The following GALNTL6 variants were observed in gnomAD, a reference collection of about 807,000 sequenced individuals.
GALNTL6 encodes polypeptide N-acetylgalactosaminyltransferase like 6.
Under a neutral mutation model 73.7 loss-of-function variants are expected in GALNTL6, and 46 were observed. The observed-to-expected ratio is 0.62, with a 90% CI of 0.49 to 0.80. The LOEUF is 0.80. Among genes scored for constraint, GALNTL6 ranks in the 30% least tolerant of loss-of-function variants. GALNTL6 has a pLI of 0.00. For synonymous variants in GALNTL6, 259 were observed against 263.7 expected (o/e 0.98, Z 0.17); for missense variants, 604 against 755.0 (o/e 0.80, Z 2.34).
chr4:172,346,988 C>CTTTTTTTTT (rs34332250), intron 4 of GALNTL6, among the ~76,000 whole-genome samples: 1 of 114,410 alleles, frequency 8.7e-6, no homozygotes, highest in Non-Finnish European at 1.7e-5. Flanking sequence ...TGTTTTCTTT[C>CTTTTTTTTT]TTTTTTTTTT....
chr4:172,600,030 G>C (rs1737996585), intron 5 of GALNTL6, among the ~76,000 whole-genome samples: 1 of 152,046 alleles, frequency 6.6e-6, no homozygotes, highest in African/African-American at 2.4e-5. Flanking sequence ...AAGTTAACAG[G>C]TAAATTTCTA....
At chr4:172,325,159 C>T (rs1470732930) in intron 4 of GALNTL6, among the ~76,000 whole-genome samples, 1 of 151,602 alleles carries the variant, frequency 6.6e-6, no homozygotes, top group East Asian at 1.9e-4. Context: ...ACATAGACAT[C>T]ATTAAACTTT....
At chr4:172,698,109 C>G (rs953363479) in intron 5 of GALNTL6, among the ~76,000 whole-genome samples, 5 of 151,984 alleles carry the variant, frequency 3.3e-5, no homozygotes, top group Non-Finnish European at 7.4e-5. Flanking sequence ...AGAAGAAGTG[C>G]CTACAAATAA....
chr4:171,891,667 G>A (rs536668285), intron 2 of GALNTL6, among the ~76,000 whole-genome samples: 1 of 152,248 alleles, frequency 6.6e-6, no homozygotes, highest in East Asian at 1.9e-4. Flanking sequence ...TTTTGACATT[G>A]GGAAAATCTT....
At chr4:172,598,428 C>A (rs1737942403) in intron 5 of GALNTL6, among the ~76,000 whole-genome samples, 1 of 152,060 alleles carries the variant, frequency 6.6e-6, no homozygotes, top group African/African-American at 2.4e-5. Context: ...CCATTAGAAA[C>A]ATGTCATGAA....
intron 8 of GALNTL6, among the ~76,000 whole-genome samples, chr4:172,906,441 T>G (rs1230107854): frequency 3.3e-5 from 5 of 152,222 alleles, no homozygotes; most frequent in African/African-American, 4.8e-5. Flanking sequence ...TTTCTATTGA[T>G]GTATAACAAA....
At chr4:172,896,176 C>T (rs1746320066) in intron 8 of GALNTL6, among the ~76,000 whole-genome samples, 1 of 152,130 alleles carries the variant, frequency 6.6e-6, no homozygotes, top group South Asian at 2.1e-4. Context: ...CTTCTTGATG[C>T]TTGTGGATAT....
At chr4:172,085,513 G>A (rs1319548970) in intron 2 of GALNTL6, among the ~76,000 whole-genome samples, 3 of 151,500 alleles carry the variant, frequency 2.0e-5, no homozygotes, top group Non-Finnish European at 4.4e-5. Context: ...CATGGAGAAA[G>A]CCTCTCTCAA....
chr4:172,063,896 T>G (rs934114096), intron 2 of GALNTL6, among the ~76,000 whole-genome samples: 1 of 152,248 alleles, frequency 6.6e-6, no homozygotes, highest in African/African-American at 2.4e-5. Flanking sequence ...GTAATACCTC[T>G]GCTATACATT....
At chr4:172,935,975 C>T (rs1748593791) in intron 9 of GALNTL6, among the ~76,000 whole-genome samples, 1 of 151,996 alleles carries the variant, frequency 6.6e-6, no homozygotes, top group South Asian at 2.1e-4. Context: ...AGAGACACCA[C>T]AAAAAAAGAA....
At chr4:172,850,234 T>C (rs1418512791) in intron 7 of GALNTL6, among the ~76,000 whole-genome samples, 3 of 152,166 alleles carry the variant, frequency 2.0e-5, no homozygotes, top group Admixed American at 2.0e-4. Flanking sequence ...TTAAGATTAT[T>C]GGTCTTTCAG....
At chr4:172,140,089 A>C (rs558643992) in intron 2 of GALNTL6, among the ~76,000 whole-genome samples, 1 of 152,138 alleles carries the variant, frequency 6.6e-6, no homozygotes, top group East Asian at 1.9e-4. Context: ...GGTGTTTAGC[A>C]CAAATTTCTG....
At chr4:172,576,158 G>T (rs1736948389) in intron 5 of GALNTL6, among the ~76,000 whole-genome samples, 1 of 152,114 alleles carries the variant, frequency 6.6e-6, no homozygotes, top group Non-Finnish European at 1.5e-5. Context: ...TGTTAAAGGT[G>T]GTATCAGTTG....
intron 10 of GALNTL6, among the ~76,000 whole-genome samples, chr4:173,007,026 A>G (rs894838614): frequency 6.6e-6 from 1 of 152,206 alleles, no homozygotes; most frequent in Non-Finnish European, 1.5e-5. Context: ...TCCCTATTGA[A>G]TAAGGAGATT....
intron 2 of GALNTL6, among the ~76,000 whole-genome samples, chr4:171,817,606 A>G (rs1249222390): frequency 6.6e-6 from 1 of 151,754 alleles, no homozygotes; most frequent in African/African-American, 2.4e-5. Flanking sequence ...TTACACATTA[A>G]TTGTTTGTAT....
Position 172,320,171 on chromosome 4 carries a change from C to T in GALNTL6, c.386+8419C>T, listed in dbSNP as rs116251857. Among the ~76,000 whole-genome samples the T allele has an allele frequency of 8.0e-3, 1,216 of 152,184 alleles. 12 individuals are homozygous for T. Among genetic ancestry groups the T allele is most frequent in the African/African-American group, 0.027 (1,128 of 41,532 alleles). On this transcript the variant is annotated intron_variant, in intron 4 of 12. Coordinates refer to ENST00000506823, the MANE Select transcript of GALNTL6 (RefSeq NM_001034845.3). ...CACCACACATGAAACAGAGGCTCTA[C>T]GTGGGGTATAGCATGCTGAGAATAC...
intron 2 of GALNTL6, among the ~76,000 whole-genome samples, chr4:171,826,379 ACC>A (rs1245666763): frequency 6.6e-6 from 1 of 152,082 alleles, no homozygotes; most frequent in Non-Finnish European, 1.5e-5. Context: ...TAAATATGGA[ACC>A]TCTATCCAGA....
At chr4:171,829,787 G>A (rs532282781) in intron 2 of GALNTL6, among the ~76,000 whole-genome samples, 17 of 152,092 alleles carry the variant, frequency 1.1e-4, no homozygotes, top group African/African-American at 4.1e-4. Flanking sequence ...CATACTAGTG[G>A]GTAGAATGGT....
intron 5 of GALNTL6, among the ~76,000 whole-genome samples, chr4:172,807,997 A>G (rs1010625230): frequency 1.3e-5 from 2 of 151,944 alleles, no homozygotes; most frequent in African/African-American, 4.8e-5. Context: ...TAATTTTTGT[A>G]TTTTTAGTAA....
Sources: allele counts gnomAD v4.1 joint callset (sites outside exome capture counted in the v4.1 genomes callset), GRCh38; gene constraint gnomAD v4.1.1; transcripts MANE v1.5; gene names NCBI Gene and HGNC (gene_info 2026-07-23, HGNC 2026-07-21).